The following XPNPEP2 variants were observed in gnomAD, a reference collection of about 807,000 sequenced individuals.
XPNPEP2 encodes X-prolyl aminopeptidase 2, also known as xaa-Pro aminopeptidase 2.
XPNPEP2 carries 64 observed loss-of-function variants against 59.8 expected under a neutral mutation model. The ratio of observed to expected loss-of-function variants is 1.07; its 90% CI spans 0.87 to 1.32. XPNPEP2 has a LOEUF of 1.32. Among genes scored for constraint, XPNPEP2 ranks in the 40% most tolerant of loss-of-function variants. XPNPEP2 has a pLI of 0.00. For missense variants in XPNPEP2, 575 were observed against 546.8 expected, an observed-to-expected ratio of 1.05 and a Z score of -0.51; for synonymous variants, 235 against 210.0, an observed-to-expected ratio of 1.12 and a Z score of -1.03.
At chrX:129,758,494 C>T in intron 14 of XPNPEP2, among the ~76,000 whole-genome samples, 1 of 111,703 alleles carries the variant, frequency 9.0e-6, no homozygotes, top group Non-Finnish European at 1.9e-5. Context: ...GTGGCAACTG[C>T]TGCAGCTGGG....
chrX:129,757,796 GAAGAAAGAAAGAAAGAAAGA>G (rs57433903), intron 14 of XPNPEP2, among the ~76,000 whole-genome samples: 186 of 33,457 alleles, frequency 5.6e-3, no homozygotes, highest in African/African-American at 0.013. Flanking sequence ...ACTATAAAAG[GAAGAAAGAAAGAAAGAAAGA>G]AAGAAAGAAA....
At chrX:129,746,799 G>C (rs1926307661) in intron 6 of XPNPEP2, 118 bp downstream of exon 6, 1 of 638,504 alleles carries the variant, frequency 1.6e-6, no homozygotes, top group Non-Finnish European at 2.5e-6. Context: ...TAAAGATAGA[G>C]CATTTGAAAT....
chrX:129,747,008 C>A, intron 6 of XPNPEP2: 3 of 279,616 alleles, frequency 1.1e-5, no homozygotes, highest in Non-Finnish European at 1.9e-5. Context: ...TGCCCTGGAA[C>A]CCTGCCAATG....
intron 12 of XPNPEP2, among the ~76,000 whole-genome samples, chrX:129,755,009 G>T (rs904083085): frequency 1.8e-5 from 2 of 111,836 alleles, no homozygotes; most frequent in Non-Finnish European, 3.8e-5. Flanking sequence ...TCCCAGGACT[G>T]GGGGAGTTTT....
chrX:129,746,592 C>A lies in XPNPEP2; in HGVS notation c.404-3C>A. The A allele has an allele frequency of 8.3e-7, 1 of 1,209,996 alleles. No homozygotes were observed. Among genetic ancestry groups the A allele is most frequent in the African/African-American group, 1.7e-5 (1 of 57,611 alleles). The stretch of plus-strand genomic sequence containing the variant: ...TCTGCATTGCTTCCTATCTTTCTTT[C>A]AGTTGGCACCACTCCTATTGTCACC... On this transcript the variant is annotated splice_region_variant and splice_polypyrimidine_tract_variant and intron_variant, in intron 5 of 20. Transcript: ENST00000371106.
intron 2 of XPNPEP2, among the ~76,000 whole-genome samples, chrX:129,743,438 C>T (rs1403249828): frequency 8.9e-6 from 1 of 112,583 alleles, no homozygotes; most frequent in Non-Finnish European, 1.9e-5. Flanking sequence ...CACCCAGTTA[C>T]ATTTGAATTT....
intron 1 of XPNPEP2, 22 bp from the exon 2 acceptor site, chrX:129,742,082 CCCTG>C (rs1926195062): frequency 1.7e-6 from 2 of 1,199,556 alleles, no homozygotes; most frequent in Non-Finnish European, 2.3e-6. Context: ...CCCCAAATGA[CCCTG>C]GATTTTTCTC....
chrX:129,757,847 G>GAAAGAA, intron 14 of XPNPEP2, among the ~76,000 whole-genome samples: 1 of 82,528 alleles, frequency 1.2e-5, no homozygotes, highest in South Asian at 6.3e-4. Context: ...AAGAAAGAAA[G>GAAAGAA]AAAGAAAGAA....
chrX:129,752,394 G>C, intron 10 of XPNPEP2, 49 bp downstream of exon 10: 1 of 1,161,553 alleles, frequency 8.6e-7, no homozygotes, highest in Non-Finnish European at 1.2e-6. Flanking sequence ...CCCCACTCTA[G>C]GCCTGAGAAG....
At chrX:129,762,617 A>T (rs1267342132) in intron 18 of XPNPEP2, 77 bp from the exon 19 acceptor site, 11 of 932,053 alleles carry the variant, frequency 1.2e-5, no homozygotes, top group Non-Finnish European at 1.7e-5. Context: ...CCCTCCAGCC[A>T]CTCATCAGTA....
intron 8 of XPNPEP2, among the ~76,000 whole-genome samples, chrX:129,751,530 GAAA>G: frequency 1.4e-5 from 1 of 70,216 alleles, no homozygotes; most frequent in Admixed American, 2.0e-4. Flanking sequence ...GAAAAAGAAA[GAAA>G]GGAAGAAAGA....
At chrX:129,744,322 C>T (rs1463514836) in intron 3 of XPNPEP2, among the ~76,000 whole-genome samples, 1 of 112,229 alleles carries the variant, frequency 8.9e-6, no homozygotes, top group East Asian at 2.8e-4. Context: ...AATCAATTTT[C>T]ATCAATTCCC....
intron 12 of XPNPEP2, among the ~76,000 whole-genome samples, chrX:129,755,007 C>CT (rs1926492079): frequency 8.9e-6 from 1 of 111,768 alleles, no homozygotes; most frequent in Non-Finnish European, 1.9e-5. Flanking sequence ...TCTCCCAGGA[C>CT]TGGGGGAGTT....
In XPNPEP2 at chrX:129,750,523, A is replaced by AAAGG. The variant is rs1753343419; in HGVS notation, c.694_697dup (p.Val233GlufsTer12). On this transcript the variant is annotated frameshift_variant, in exon 8 of 21. Transcript: ENST00000371106. LOFTEE classifies it high-confidence loss of function. The stretch of plus-strand genomic sequence containing the variant: ...TCCGAAGCCAGATGCAGAAGCATCA[A>AAAGG]AAGGTCCCGACTGCCGTCCTTCTGT... The AAAGG allele has an allele frequency of 8.4e-7, 1 of 1,195,137 alleles. No individual in the cohort carries two copies. The highest frequency in any genetic ancestry group is 1.7e-5 in the African/African-American group (1 of 57,185).
In XPNPEP2 at chrX:129,768,810, T is replaced by G. The variant is rs1352220232; in HGVS notation, c.*325T>G. On this transcript the variant is annotated 3_prime_UTR_variant, in exon 21 of 21. Coordinates refer to ENST00000371106, the MANE Select transcript of XPNPEP2 (RefSeq NM_003399.6). Reference sequence around the variant, plus strand: ...GCCTAACCTATAACCTAGCACAGACTGCTACAGCTGCTCCCCTCCCGCCAA... The same window carrying G: ...GCCTAACCTATAACCTAGCACAGACGGCTACAGCTGCTCCCCTCCCGCCAA... 6.3e-6 allele frequency: 1 copy of G among 158,078 alleles called. No homozygotes were observed. Among genetic ancestry groups the G allele is most frequent in the Non-Finnish European group, 1.2e-5 (1 of 84,165 alleles). The allele number at this position is 158,078 out of a possible 1,213,427, so 13.0% of individuals were successfully genotyped here. A position where few individuals can be genotyped will look rare whatever the true frequency, so the allele number is the denominator to read the frequency against.
At chrX:129,744,372 C>G (rs887329944) in intron 3 of XPNPEP2, among the ~76,000 whole-genome samples, 1 of 112,277 alleles carries the variant, frequency 8.9e-6, no homozygotes, top group Non-Finnish European at 1.9e-5. Flanking sequence ...GTATCCCTGC[C>G]CTAGGAGGTT....
chrX:129,745,384 C>T (rs1215041107), intron 4 of XPNPEP2, 118 bp downstream of exon 4: 7 of 813,976 alleles, frequency 8.6e-6, no homozygotes, highest in Non-Finnish European at 1.2e-5. Context: ...TAGAGAAAAC[C>T]CTTCTACTCT....
chrX:129,759,919 C>T (rs369935490), intron 15 of XPNPEP2, among the ~76,000 whole-genome samples: 27 of 112,209 alleles, frequency 2.4e-4, no homozygotes, highest in African/African-American at 7.8e-4. Context: ...TGTCAGGCCA[C>T]CTCCCTCCGC....
At chrX:129,767,153 G>T (rs1010738897) in intron 19 of XPNPEP2, among the ~76,000 whole-genome samples, 4 of 111,388 alleles carry the variant, frequency 3.6e-5, no homozygotes, top group Non-Finnish European at 7.5e-5. Context: ...GGTAGAGGCT[G>T]CAGAGGGCCG....
Sources: allele counts gnomAD v4.1 joint callset (sites outside exome capture counted in the v4.1 genomes callset), GRCh38; gene constraint gnomAD v4.1.1; transcripts MANE v1.5; gene names NCBI Gene and HGNC (gene_info 2026-07-23, HGNC 2026-07-21).